RSPH14: variants seen among roughly 807,000 people sequenced by gnomAD.
RSPH14 encodes radial spoke head 14 homolog, also known as rhabdoid tumor deletion region gene 1.
Under a neutral mutation model 26.7 loss-of-function variants are expected in RSPH14, and 20 were observed. The ratio of observed to expected loss-of-function variants is 0.75; its 90% confidence interval spans 0.53 to 1.09. The LOEUF (loss-of-function observed/expected upper bound fraction) is 1.09, where lower values mean the gene tolerates loss of function less well. RSPH14 is among the 50% of genes least tolerant of loss of function. The pLI is 0.00. For missense variants in RSPH14, 449 were observed against 457.2 expected (o/e 0.98, Z 0.16); for synonymous variants, 177 against 189.3 (o/e 0.93, Z 0.53).
intron 4 of RSPH14, among the ~76,000 whole-genome samples, chr22:23,109,579 T>C (rs898952815): frequency 1.3e-5 from 2 of 151,846 alleles, no homozygotes; most frequent in African/African-American, 4.8e-5. Flanking sequence ...GATGAACCAG[T>C]GTGGAGTTGA....
upstream of RSPH14, among the ~76,000 whole-genome samples, chr22:23,142,627 T>C (rs553911957): frequency 6.6e-6 from 1 of 152,354 alleles, no homozygotes; most frequent in East Asian, 1.9e-4. Flanking sequence ...CGTGAGCCAC[T>C]GCGCTCAGCC....
At chr22:23,118,483 C>T (rs983926561) in intron 4 of RSPH14, among the ~76,000 whole-genome samples, 3 of 143,018 alleles carry the variant, frequency 2.1e-5, no homozygotes, top group South Asian at 2.2e-4. Flanking sequence ...CCCCGCCCCA[C>T]CCCCCGCGGC....
At chr22:23,153,256 G>A in the RSPH14 span, 3 of 762,082 alleles carry the variant, frequency 3.9e-6, no homozygotes, top group African/African-American at 1.7e-5. Context: ...CAGAGCCTGG[G>A]GGTGTTGTGT....
chr22:23,130,061 AAGAAAGAAAGAAAGAAAGAAAGG>A (rs2070281780), intron 4 of RSPH14, among the ~76,000 whole-genome samples: 1 of 34,776 alleles, frequency 2.9e-5, no homozygotes, highest in African/African-American at 1.5e-4. Context: ...GAGAAAGAAA[AAGAAAGAAAGAAAGAAAGAAAGG>A]AAGAAAGAAA....
intron 4 of RSPH14, chr22:23,095,602 TG>T: frequency 7.1e-7 from 1 of 1,406,164 alleles, no homozygotes; most frequent in Non-Finnish European, 9.6e-7. Context: ...CCAGGGCAGC[TG>T]GGCTCTTGTC....
intron 4 of RSPH14, chr22:23,122,694 C>G (rs1479560672): frequency 4.3e-6 from 1 of 231,210 alleles, no homozygotes; most frequent in Non-Finnish European, 8.5e-6. Context: ...GATGGCCTTC[C>G]TTGTACAGGT....
chr22:23,124,311 T>C, intron 4 of RSPH14: 1 of 332,758 alleles, frequency 3.0e-6, no homozygotes, highest in Non-Finnish European at 6.6e-6. Flanking sequence ...ATGCAGATTT[T>C]CAAAACATAT....
chr22:23,135,360 C>T lies in RSPH14; in HGVS notation c.303-1216G>A, dbSNP rs955814705. Among the ~76,000 whole-genome samples, 12 of 145,942 alleles carry T rather than the reference C, an allele frequency of 8.2e-5. No homozygotes were observed. The East Asian group carries it at 1.4e-3, about 17-fold the overall frequency. On this transcript the variant is annotated intron_variant, in intron 3 of 6. Coordinates refer to ENST00000216036, the MANE Select transcript of RSPH14 (RefSeq NM_014433.3). ...AAAAAAAATTAGCTGGGTGTGGTGG[C>T]GGGCGCCTGTAGTCCCAGCTACTTT...
chr22:23,146,771 G>A, upstream of RSPH14: 3 of 1,535,564 alleles, frequency 2.0e-6, no homozygotes, highest in Non-Finnish European at 2.6e-6. Context: ...TAGAAGTAAA[G>A]CAGGTGAATC....
chr22:23,105,775 G>A (rs1255694725), intron 4 of RSPH14, among the ~76,000 whole-genome samples: 1 of 152,202 alleles, frequency 6.6e-6, no homozygotes, highest in Non-Finnish European at 1.5e-5. Context: ...GGCTGGTGGG[G>A]AGCAGGGGTG....
chr22:23,159,636 G>A, the RSPH14 span, among the ~76,000 whole-genome samples: 10 of 152,148 alleles, frequency 6.6e-5, no homozygotes, highest in Admixed American at 1.3e-4. Context: ...AGGGTGGCAG[G>A]GCCAGGATCC....
the RSPH14 span, among the ~76,000 whole-genome samples, chr22:23,178,913 A>C: frequency 5.3e-5 from 8 of 152,202 alleles, no homozygotes; most frequent in Non-Finnish European, 1.2e-4. Context: ...TGGAAATCTG[A>C]GACAGGGCAA....
chr22:23,139,235 G>A lies in RSPH14; in HGVS notation c.200-293C>T, dbSNP rs2070544452. On this transcript the variant is annotated intron_variant, in intron 2 of 6. Transcript: ENST00000216036. ...GGCCTTTGCCATTTCTTTGACCTCA[G>A]GAGAGATATGGGGTCAAATTATAAC... Among the ~76,000 whole-genome samples, 3 of 152,256 alleles carry A rather than the reference G, an allele frequency of 2.0e-5. No homozygotes were observed. The South Asian group carries it at 6.2e-4, about 31-fold the overall frequency.
rs545121059 is a variant in RSPH14 at position 23,075,722 on chromosome 22, G to A, written c.422-11589C>T. On this transcript the variant is annotated intron_variant, in intron 4 of 6. Coordinates refer to ENST00000216036, the MANE Select transcript of RSPH14 (RefSeq NM_014433.3). ...CAGCCTCCAACCAGAAACACACCCC[G>A]TCCCCGAGGGCTCAGCCAGGCCTCT... is the stretch of plus-strand genomic sequence containing the variant. 1.6e-4 allele frequency among the ~76,000 whole-genome samples: 24 copies of A among 152,292 alleles called. No individual in the cohort carries two copies. The East Asian group carries it at 2.5e-3, about 16-fold the overall frequency.
chr22:23,142,986 A>G (rs1297559343), upstream of RSPH14, among the ~76,000 whole-genome samples: 1 of 152,134 alleles, frequency 6.6e-6, no homozygotes, highest in African/African-American at 2.4e-5. Context: ...TTACCTCTTT[A>G]TCCTTCAGGA....
intron 2 of RSPH14, 150 bp downstream of exon 2, chr22:23,140,072 T>G: frequency 1.1e-6 from 1 of 929,294 alleles, no homozygotes; most frequent in Non-Finnish European, 1.6e-6. Context: ...AAATAAACAT[T>G]TTTTAAAAAG....
chr22:23,170,348 T>C, the RSPH14 span, among the ~76,000 whole-genome samples: 42 of 152,290 alleles, frequency 2.8e-4, no homozygotes, highest in African/African-American at 9.9e-4. Context: ...GCCAACACGG[T>C]TGGATTCTGG....
At chr22:23,171,499 T>G in the RSPH14 span, among the ~76,000 whole-genome samples, 485 of 152,278 alleles carry the variant, frequency 3.2e-3, 1 homozygote, top group African/African-American at 0.011. Flanking sequence ...ATACAAATTT[T>G]GGGGGACACA....
At chr22:23,086,507 C>T (rs905835728) in intron 4 of RSPH14, among the ~76,000 whole-genome samples, 2 of 152,236 alleles carry the variant, frequency 1.3e-5, no homozygotes, top group Non-Finnish European at 2.9e-5. Flanking sequence ...CCTTCCTCTC[C>T]TCCCAGTGGC....
Sources: allele counts gnomAD v4.1 joint callset (sites outside exome capture counted in the v4.1 genomes callset), GRCh38; gene constraint gnomAD v4.1.1; transcripts MANE v1.5; gene names NCBI Gene and HGNC (gene_info 2026-07-23, HGNC 2026-07-21).